Variants in HEMK2 observed in about 807,000 individuals in gnomAD.
The protein encoded by HEMK2 is methyltransferase HEMK2.
the HEMK2 span, among the ~76,000 whole-genome samples, chr21:28,639,248 T>C: frequency 1.3e-5 from 2 of 152,206 alleles, no homozygotes; most frequent in Non-Finnish European, 2.9e-5. Context: ...AAAAGAAAGA[T>C]AGAAACTAAA....
the HEMK2 span, chr21:28,885,326 G>C: frequency 3.8e-5 from 60 of 1,583,026 alleles, no homozygotes; most frequent in East Asian, 1.4e-3. Flanking sequence ...GAACGGCGTA[G>C]CGAAGTTCTC....
the HEMK2 span, among the ~76,000 whole-genome samples, chr21:28,603,222 T>A: frequency 5.9e-5 from 9 of 152,192 alleles, no homozygotes; most frequent in South Asian, 1.4e-3. Context: ...AAATTTCTCT[T>A]GGGAAAATTT....
chr21:28,871,849 A>C, the HEMK2 span, among the ~76,000 whole-genome samples: 1 of 151,818 alleles, frequency 6.6e-6, no homozygotes, highest in Non-Finnish European at 1.5e-5. Flanking sequence ...TTACTCATTG[A>C]CTCATCACTC....
At chr21:28,686,559 C>A in the HEMK2 span, among the ~76,000 whole-genome samples, 1 of 152,186 alleles carries the variant, frequency 6.6e-6, no homozygotes, top group Admixed American at 6.5e-5. Context: ...AAAAACAAAT[C>A]TCAGCATAAA....
chr21:28,692,206 T>C, the HEMK2 span, among the ~76,000 whole-genome samples: 26 of 152,260 alleles, frequency 1.7e-4, no homozygotes, highest in African/African-American at 6.0e-4. Context: ...TATGATTCCA[T>C]ATGCATTATA....
At chr21:28,606,726 A>T in the HEMK2 span, among the ~76,000 whole-genome samples, 2 of 152,230 alleles carry the variant, frequency 1.3e-5, no homozygotes, top group Non-Finnish European at 2.9e-5. Context: ...CACAGTGGTT[A>T]CAGTGATAAA....
chr21:28,667,979 G>C, the HEMK2 span, among the ~76,000 whole-genome samples: 5 of 152,144 alleles, frequency 3.3e-5, no homozygotes, highest in Admixed American at 1.3e-4. Context: ...CAGCAAACGA[G>C]AAAAAACTCG....
chr21:28,881,562 G>A, the HEMK2 span, among the ~76,000 whole-genome samples: 1 of 151,560 alleles, frequency 6.6e-6, no homozygotes, highest in Admixed American at 6.6e-5. Context: ...GAAGTTCAGA[G>A]ATAAGAAAAA....
the HEMK2 span, among the ~76,000 whole-genome samples, chr21:28,867,109 G>A: frequency 6.6e-6 from 1 of 152,132 alleles, no homozygotes; most frequent in African/African-American, 2.4e-5. Flanking sequence ...GCATTATCAG[G>A]TAAAATGAAA....
At chr21:28,619,000 T>G in the HEMK2 span, among the ~76,000 whole-genome samples, 1 of 152,164 alleles carries the variant, frequency 6.6e-6, no homozygotes, top group Admixed American at 6.5e-5. Flanking sequence ...GAAGTTAAAA[T>G]TAGGTCACTA....
the HEMK2 span, among the ~76,000 whole-genome samples, chr21:28,692,760 T>A: frequency 6.6e-6 from 1 of 152,112 alleles, no homozygotes; most frequent in East Asian, 1.9e-4. Flanking sequence ...TCACCTTTCA[T>A]CAGCTGATGA....
chr21:28,674,262 A>G, the HEMK2 span, among the ~76,000 whole-genome samples: 3 of 152,222 alleles, frequency 2.0e-5, no homozygotes, highest in Admixed American at 2.0e-4. Context: ...TGTTTAGCAT[A>G]TCATCAAGAA....
At chr21:28,799,962 CAAGT>C in the HEMK2 span, among the ~76,000 whole-genome samples, 1 of 152,134 alleles carries the variant, frequency 6.6e-6, no homozygotes, top group African/African-American at 2.4e-5. Flanking sequence ...TTTATGTCTA[CAAGT>C]AAGAGCATTT....
At chr21:28,596,472 T>C in the HEMK2 span, among the ~76,000 whole-genome samples, 2 of 152,228 alleles carry the variant, frequency 1.3e-5, no homozygotes, top group Non-Finnish European at 2.9e-5. Context: ...ATGTAATAAA[T>C]CTCTCCCTGA....
At chr21:28,609,422 A>C in the HEMK2 span, among the ~76,000 whole-genome samples, 1 of 152,098 alleles carries the variant, frequency 6.6e-6, no homozygotes, top group African/African-American at 2.4e-5. Context: ...CCAGATCTTC[A>C]CTCTGACATA....
chr21:28,841,426 AAATATATATAT>A, the HEMK2 span, among the ~76,000 whole-genome samples: 2 of 47,154 alleles, frequency 4.2e-5, no homozygotes, highest in East Asian at 7.8e-4. Context: ...TATATATATA[AAATATATATAT>A]TATATATAAA....
chr21:28,647,216 T>C, the HEMK2 span, among the ~76,000 whole-genome samples: 1 of 143,220 alleles, frequency 7.0e-6, no homozygotes, highest in Non-Finnish European at 1.5e-5. Flanking sequence ...CCGGGCGCAG[T>C]GGCTCACCCC....
the HEMK2 span, among the ~76,000 whole-genome samples, chr21:28,858,247 CTT>C: frequency 1.3e-5 from 2 of 152,298 alleles, no homozygotes; most frequent in South Asian, 4.2e-4. Flanking sequence ...CCTAACCACT[CTT>C]TTCCCCCATC....
At chr21:28,755,626 T>C in the HEMK2 span, among the ~76,000 whole-genome samples, 1 of 152,196 alleles carries the variant, frequency 6.6e-6, no homozygotes, top group Non-Finnish European at 1.5e-5. Context: ...TGTCTAGCAA[T>C]TGTGAGGAAG....
Sources: gnomAD v4.1 joint callset for allele counts (sites outside exome capture counted in the v4.1 genomes callset) on GRCh38, gnomAD v4.1.1 for gene constraint, MANE v1.5 for transcripts, NCBI Gene and HGNC (gene_info 2026-07-23, HGNC 2026-07-21) for gene names.